The following GRM7 variants were observed in gnomAD, a reference collection of about 807,000 sequenced individuals.
The protein encoded by GRM7 is metabotropic glutamate receptor 7.
A neutral mutation model predicts 84.5 loss-of-function variants in GRM7; 35 were observed. The ratio of observed to expected loss-of-function variants is 0.41; its 90% CI spans 0.32 to 0.55. GRM7 has a LOEUF of 0.55. Ranked by LOEUF, GRM7 falls within the 20% of genes least tolerant of loss-of-function variation. The pLI is 0.19. For missense variants in GRM7, 1,003 were observed against 1,194.6 expected (o/e 0.84, Z 2.36); for synonymous variants, 487 against 455.1 (o/e 1.07, Z -0.89).
At position 7,095,911 on chromosome 3, in the gene GRM7, TACAC is replaced by T. The variant is rs1698842593; in HGVS notation, c.520-50537_520-50534del. On this transcript the variant is annotated intron_variant, in intron 1 of 9. Transcript: ENST00000357716. ...TATGAGAAAAATAGTGCACACACCT[TACAC>T]ACATACATATATAAAATATATGTCA... Among the ~76,000 whole-genome samples, 3 of 152,134 alleles carry T rather than the reference TACAC, an allele frequency of 2.0e-5. No individual in the cohort carries two copies. The South Asian group carries it at 6.2e-4, about 32-fold the overall frequency.
intron 2 of GRM7, among the ~76,000 whole-genome samples, chr3:7,231,820 G>A (rs1697204239): frequency 6.6e-6 from 1 of 152,146 alleles, no homozygotes; most frequent in Non-Finnish European, 1.5e-5. Context: ...AGCTGTAAAG[G>A]TGTCCCCTTA....
chr3:7,357,057 A>G (rs981031229), intron 4 of GRM7, among the ~76,000 whole-genome samples: 2 of 150,138 alleles, frequency 1.3e-5, no homozygotes, highest in African/African-American at 4.9e-5. Flanking sequence ...TCATTTTCAT[A>G]TATATAATAT....
chr3:6,861,266 C>A lies in GRM7; in HGVS notation c.-123C>A. On this transcript the variant is annotated 5_prime_UTR_variant, in exon 1 of 10. Transcript: ENST00000357716. The surrounding 1 kb of genome is among the most constrained non-coding windows in gnomAD (Gnocchi z 6.4). ...GTCGCCCCTCCCCGGATTCCCCCAC[C>A]CTCCGTGCCTGCAGGAGCCCCTGGG... 1 of 796,790 alleles carries A rather than the reference C, an allele frequency of 1.3e-6. No individual in the cohort carries two copies. The highest frequency in any genetic ancestry group is 3.0e-5 in the South Asian group (1 of 33,434). 49.4% of individuals were successfully genotyped at this position (796,790 alleles called of 1,614,324 possible).
At chr3:7,123,625 GA>G (rs980564809) in intron 1 of GRM7, among the ~76,000 whole-genome samples, 207 of 141,068 alleles carry the variant, frequency 1.5e-3, no homozygotes, top group Middle Eastern at 7.1e-3. Flanking sequence ...TCAGAAAAAA[GA>G]AAAAAAAAAA....
intron 9 of GRM7, among the ~76,000 whole-genome samples, chr3:7,682,972 C>T (rs1214769220): frequency 1.3e-5 from 2 of 152,170 alleles, no homozygotes; most frequent in Non-Finnish European, 2.9e-5. Flanking sequence ...TTATCAAAGC[C>T]ACACATGTGG....
rs147026657 is a variant in GRM7, at chr3:7,590,704, G to A, written c.2451+11347G>A. 2.5e-3 allele frequency among the ~76,000 whole-genome samples: 384 copies of A among 152,198 alleles called. 2 individuals carry two copies. Among genetic ancestry groups the A allele is most frequent in the African/African-American group, 8.4e-3 (350 of 41,528 alleles). On this transcript the variant is annotated intron_variant, in intron 8 of 9. Transcript: ENST00000357716. Reference sequence around the variant, plus strand: ...TGCCTTCTTTATAGGAGGCTGTCACGCAGACCTTTCCATGCTGTGTTCTTC... The same window carrying A: ...TGCCTTCTTTATAGGAGGCTGTCACACAGACCTTTCCATGCTGTGTTCTTC...
intron 4 of GRM7, among the ~76,000 whole-genome samples, chr3:7,385,857 G>T (rs946390441): frequency 2.0e-5 from 3 of 152,140 alleles, no homozygotes; most frequent in Admixed American, 6.6e-5. Flanking sequence ...AGATATTGTG[G>T]TATATTCGTA....
chr3:7,623,716 T>C (rs1697473691), intron 8 of GRM7, among the ~76,000 whole-genome samples: 1 of 152,138 alleles, frequency 6.6e-6, no homozygotes, highest in Admixed American at 6.6e-5. Flanking sequence ...CTTCAAGGTG[T>C]TAGTTATCAA....
chr3:7,259,958 T>TTTTTTTTTTTTTTTTTTTTTTTTTTG, intron 2 of GRM7, among the ~76,000 whole-genome samples: 1 of 147,404 alleles, frequency 6.8e-6, no homozygotes, highest in Non-Finnish European at 1.5e-5. Flanking sequence ...CATCTGTTTT[T>TTTTTTTTTTTTTTTTTTTTTTTTTTG]TTTTTTTGAC....
At chr3:7,614,300 A>G (rs546049767) in intron 8 of GRM7, among the ~76,000 whole-genome samples, 1 of 152,282 alleles carries the variant, frequency 6.6e-6, no homozygotes, top group Non-Finnish European at 1.5e-5. Context: ...ATATCCTGAT[A>G]AACAGCACCC....
chr3:7,676,411 T>G (rs1209495167), intron 8 of GRM7, among the ~76,000 whole-genome samples: 1 of 152,234 alleles, frequency 6.6e-6, no homozygotes, highest in African/African-American at 2.4e-5. Context: ...GACATTTTGA[T>G]AAACAGATTA....
chr3:7,360,187 G>A (rs1253900226), intron 4 of GRM7, among the ~76,000 whole-genome samples: 1 of 145,452 alleles, frequency 6.9e-6, no homozygotes, highest in Non-Finnish European at 1.5e-5. Flanking sequence ...GAAAATGTGT[G>A]TAGAGAGAGA....
At chr3:6,911,704 T>C (rs765033968) in intron 1 of GRM7, among the ~76,000 whole-genome samples, 24 of 152,208 alleles carry the variant, frequency 1.6e-4, no homozygotes, top group Non-Finnish European at 3.1e-4. Flanking sequence ...ACTTCTACTT[T>C]AGCTCTTGCT....
At chr3:6,916,785 A>T (rs1401838867) in intron 1 of GRM7, among the ~76,000 whole-genome samples, 1 of 152,184 alleles carries the variant, frequency 6.6e-6, no homozygotes, top group Admixed American at 6.6e-5. Flanking sequence ...AGCAGAGGTA[A>T]AACTTTATTA....
intron 8 of GRM7, among the ~76,000 whole-genome samples, chr3:7,664,081 A>T (rs1699575829): frequency 6.6e-6 from 1 of 152,158 alleles, no homozygotes; most frequent in Non-Finnish European, 1.5e-5. Context: ...ACACCCTATA[A>T]TTACCCTGCC....
chr3:7,166,144 C>A (rs1267564809), intron 2 of GRM7, among the ~76,000 whole-genome samples: 2 of 152,180 alleles, frequency 1.3e-5, no homozygotes, highest in South Asian at 4.1e-4. Flanking sequence ...CTAATAGTCT[C>A]TCCTCTTTGT....
chr3:7,661,078 C>G (rs1211188746), intron 8 of GRM7, among the ~76,000 whole-genome samples: 1 of 152,116 alleles, frequency 6.6e-6, no homozygotes, highest in Non-Finnish European at 1.5e-5. Flanking sequence ...ATGCCGAACA[C>G]ACAATTTATA....
chr3:7,221,925 G>T (rs1439071155), intron 2 of GRM7, among the ~76,000 whole-genome samples: 1 of 149,566 alleles, frequency 6.7e-6, no homozygotes, highest in African/African-American at 2.5e-5. Flanking sequence ...TCCTGGCTCA[G>T]CCTCCCAAGT....
At chr3:7,043,914 A>C (rs1696714867) in intron 1 of GRM7, among the ~76,000 whole-genome samples, 1 of 152,194 alleles carries the variant, frequency 6.6e-6, no homozygotes, top group Non-Finnish European at 1.5e-5. Context: ...TCCAGGGCTC[A>C]AGTGATCTTC....
Sources: allele counts gnomAD v4.1 joint callset (sites outside exome capture counted in the v4.1 genomes callset), GRCh38; gene constraint gnomAD v4.1.1; non-coding constraint Gnocchi (gnomAD v3.1); transcripts MANE v1.5; gene names NCBI Gene and HGNC (gene_info 2026-07-23, HGNC 2026-07-21).